CRYBG3: variants seen among roughly 807,000 people sequenced by gnomAD.
CRYBG3 encodes crystallin beta-gamma domain containing 3, also known as very large A-kinase anchor protein.
CRYBG3 carries 127 observed loss-of-function variants against 244.2 expected under a neutral mutation model. The observed-to-expected ratio is 0.52, with a 90% CI of 0.45 to 0.60. The LOEUF (loss-of-function observed/expected upper bound fraction) is 0.60. Among genes scored for constraint, CRYBG3 ranks in the 20% least tolerant of loss-of-function variants. The pLI is 0.00. For missense variants in CRYBG3, 3,325 were observed against 3,442.5 expected (o/e 0.97, Z 0.85); for synonymous variants, 1,132 against 1,195.8 (o/e 0.95, Z 1.10).
At chr3:97,828,870 A>AC (rs1479338541) in intron 1 of CRYBG3, among the ~76,000 whole-genome samples, 1 of 147,370 alleles carries the variant, frequency 6.8e-6, no homozygotes, top group Non-Finnish European at 1.5e-5. Flanking sequence ...AAACAAACAA[A>AC]AAAAAACTTA....
At chr3:97,853,598 G>C (rs1177243197) in intron 2 of CRYBG3, among the ~76,000 whole-genome samples, 1 of 152,058 alleles carries the variant, frequency 6.6e-6, no homozygotes. Context: ...TGGATAAAAT[G>C]GTAGATCTAC....
In CRYBG3 at chr3:97,873,088, C is replaced by G. The variant is rs1294476851; in HGVS notation, c.1894C>G (p.Gln632Glu). The change falls in exon 4 of 22, where the codon CAA (glutamine) becomes GAA (glutamate). Residue 632 changes from glutamine to glutamate, a missense_variant. Coordinates refer to ENST00000389622, the MANE Select transcript of CRYBG3 (RefSeq NM_153605.4). Reference protein sequence around the residue: ...ETPLDSESPQQAEVSPDAKTS... With the variant: ...ETPLDSESPQEAEVSPDAKTS... ...TCCTCTTGACTCTGAGAGTCCTCAA[C>G]AAGCTGAAGTATCACCTGATGCTAA... is the stretch of plus-strand genomic sequence containing the variant. The G allele has an allele frequency of 6.5e-7, 1 of 1,534,814 alleles. No individual in the cohort carries two copies. Among genetic ancestry groups the G allele is most frequent in the East Asian group, 2.4e-5 (1 of 40,920 alleles).
intron 1 of CRYBG3, among the ~76,000 whole-genome samples, chr3:97,834,853 G>C (rs2038709077): frequency 6.6e-6 from 1 of 151,996 alleles, no homozygotes; most frequent in Admixed American, 6.6e-5. Context: ...CATCAACTAT[G>C]CTACTTTGTA....
intron 17 of CRYBG3, among the ~76,000 whole-genome samples, chr3:97,925,975 G>A (rs917141842): frequency 2.0e-5 from 3 of 151,972 alleles, no homozygotes; most frequent in Non-Finnish European, 2.9e-5. Flanking sequence ...AGTTTGGTTT[G>A]AATGTCTTAG....
At position 97,872,109 on chromosome 3, in the gene CRYBG3, T is replaced by C; in HGVS notation, c.915T>C (p.Asp305=). Residue 305 remains aspartate (D), a synonymous_variant, in exon 4 of 22, where the codon GAT becomes GAC. Transcript: ENST00000389622. ...NLLEGPLEDS[D]CSKTSFNKEN... Reference sequence around the variant, plus strand: ...TTGAAGGCCCATTAGAAGACTCTGATTGTAGCAAAACAAGTTTCAACAAGG... The same window carrying C: ...TTGAAGGCCCATTAGAAGACTCTGACTGTAGCAAAACAAGTTTCAACAAGG... 1 of 1,536,016 alleles carries C rather than the reference T, an allele frequency of 6.5e-7. No individual in the cohort carries two copies. Among genetic ancestry groups the C allele is most frequent in the East Asian group, 2.4e-5 (1 of 40,912 alleles).
rs5851083 is a variant in CRYBG3, at chr3:97,882,205, CTAATAATAA to C, written c.7152+1004_7152+1012del. 1.2e-3 allele frequency among the ~76,000 whole-genome samples: 182 copies of C among 149,522 alleles called. 2 individuals carry two copies. The highest frequency in any genetic ancestry group is 3.0e-4 in the Non-Finnish European group (20 of 67,336). ...CCTGGGCGACAGAGCAAGACTCTGT[CTAATAATAA>C]TAATAATAATAATAATAGCAGCACA... On this transcript the variant is annotated intron_variant, in intron 7 of 21. Coordinates refer to ENST00000389622, the MANE Select transcript of CRYBG3 (RefSeq NM_153605.4).
At chr3:97,881,785 C>T (rs1362898056) in intron 7 of CRYBG3, among the ~76,000 whole-genome samples, 1 of 151,000 alleles carries the variant, frequency 6.6e-6, no homozygotes, top group African/African-American at 2.5e-5. Flanking sequence ...TAGGATTATA[C>T]TATTGCTATT....
chr3:97,880,251 T>G (rs1433626358), intron 6 of CRYBG3, 151 bp downstream of exon 6: 1 of 554,240 alleles, frequency 1.8e-6, no homozygotes, highest in Non-Finnish European at 3.2e-6. Context: ...ATTAGTGTGT[T>G]ATAACTTAAT....
chr3:97,889,421 TAA>T, intron 10 of CRYBG3, 31 bp downstream of exon 10: 1 of 1,559,468 alleles, frequency 6.4e-7, no homozygotes, highest in Non-Finnish European at 8.8e-7. Flanking sequence ...TGTAGCAGGC[TAA>T]AGAGTCTCAG....
At chr3:97,938,797 T>G (rs1420585252) in intron 19 of CRYBG3, among the ~76,000 whole-genome samples, 2 of 151,836 alleles carry the variant, frequency 1.3e-5, no homozygotes, top group Non-Finnish European at 2.9e-5. Flanking sequence ...TGAAAATTTT[T>G]TATTATTATT....
In CRYBG3 at chr3:97,877,952, C is replaced by G. The variant is rs767756346; in HGVS notation, c.6758C>G (p.Ala2253Gly). ...CAAAGTCATTCCTCAGAAAAAGGAG[C>G]CAGATTTGGTGGAATTTTTCAGGAA... is the stretch of plus-strand genomic sequence containing the variant. ...TSQSHSSEKG[A>G]RFGGIFQEPV... The change falls in exon 4 of 22, where the codon GCC becomes GGC. Residue 2253 changes from alanine to glycine, a missense_variant. Transcript: ENST00000389622. 2 of 1,613,904 alleles carry G rather than the reference C, an allele frequency of 1.2e-6. No homozygotes were observed. The highest frequency in any genetic ancestry group is 2.7e-5 in the African/African-American group (2 of 74,864).
At chr3:97,858,365 A>G (rs2039096158) in intron 2 of CRYBG3, among the ~76,000 whole-genome samples, 1 of 152,058 alleles carries the variant, frequency 6.6e-6, no homozygotes, top group South Asian at 2.1e-4. Flanking sequence ...TGCCTCAGAA[A>G]GGACCTTTTG....
At chr3:97,851,870 A>T (rs1262863017) in intron 2 of CRYBG3, among the ~76,000 whole-genome samples, 1 of 152,128 alleles carries the variant, frequency 6.6e-6, no homozygotes, top group Non-Finnish European at 1.5e-5. Context: ...ATAGTGGGGG[A>T]TAACAGATGT....
intron 3 of CRYBG3, among the ~76,000 whole-genome samples, chr3:97,868,118 C>A (rs1287713915): frequency 6.6e-6 from 1 of 151,952 alleles, no homozygotes; most frequent in Admixed American, 6.6e-5. Flanking sequence ...CCTTTCTCTA[C>A]TAAAAATACA....
chr3:97,841,186 A>G (rs2038807427), intron 1 of CRYBG3, among the ~76,000 whole-genome samples: 1 of 148,062 alleles, frequency 6.8e-6, no homozygotes. Flanking sequence ...CACAGCTCAT[A>G]TATGTGTGTA....
At chr3:97,829,998 C>A (rs890736899) in intron 1 of CRYBG3, among the ~76,000 whole-genome samples, 1 of 152,084 alleles carries the variant, frequency 6.6e-6, no homozygotes, top group Non-Finnish European at 1.5e-5. Flanking sequence ...GGTTTATAAA[C>A]TTTGGACAAT....
Position 97,876,044 on chromosome 3 carries a change from G to A in CRYBG3, c.4850G>A (p.Gly1617Glu). 8.1e-7 allele frequency: 1 copy of A among 1,232,036 alleles called. No individual in the cohort carries two copies. 76.3% of individuals were successfully genotyped at this position (1,232,036 alleles called of 1,614,324 possible). Residue 1617 changes from glycine (G) to glutamate (E), a missense_variant, in exon 4 of 22, where the codon GGA becomes GAA. Physicochemically the swap from Gly to Glu is moderately conservative, Grantham distance 98. Around this residue, in one of 4 missense-constraint regions of CRYBG3, gnomAD observed 635 missense variants for 771.7 expected, o/e 0.82. Coordinates refer to ENST00000389622, the MANE Select transcript of CRYBG3 (RefSeq NM_153605.4). ...ACTGAGGGATCAGCTGTCATTTTAGGAATGGAAAAAGCTTATAAGATGAAG... is the reference window on the plus strand; with the variant it reads ...ACTGAGGGATCAGCTGTCATTTTAGAAATGGAAAAAGCTTATAAGATGAAG... ...EKTEGSAVIL[G>E]MEKAYKMKDT...
rs566079441 is a variant in CRYBG3, at chr3:97,835,689, G to A, written c.150-7506G>A. Among the ~76,000 whole-genome samples the A allele has an allele frequency of 6.6e-5, 10 of 152,220 alleles. 1 individual carries two copies. Among genetic ancestry groups the A allele is most frequent in the African/African-American group, 2.2e-4 (9 of 41,554 alleles). ...ATTATCTGTTTATCTGTGTCTGGAA[G>A]AATTTACAGAGGAGGAAGGATTTCA... On this transcript the variant is annotated intron_variant, in intron 1 of 21. Transcript: ENST00000389622.
intron 16 of CRYBG3, among the ~76,000 whole-genome samples, chr3:97,913,575 T>C (rs918356728): frequency 6.6e-6 from 1 of 152,212 alleles, no homozygotes; most frequent in African/African-American, 2.4e-5. Flanking sequence ...TAGTCTTCTT[T>C]TAAATTTTTA....
Sources: allele counts gnomAD v4.1 joint callset (sites outside exome capture counted in the v4.1 genomes callset), GRCh38; gene constraint gnomAD v4.1.1; regional missense constraint gnomAD v4.1.1; transcripts MANE v1.5; gene names NCBI Gene and HGNC (gene_info 2026-07-23, HGNC 2026-07-21).